Variants in DNMT3B observed in about 807,000 individuals in gnomAD.
DNMT3B encodes the protein DNA (cytosine-5)-methyltransferase 3B.
In DNMT3B, 37 loss-of-function variants were observed where a neutral mutation model predicts 120.2. The ratio of observed to expected loss-of-function variants is 0.31; its 90% CI spans 0.24 to 0.40. DNMT3B has a LOEUF of 0.40. Ranked by LOEUF, DNMT3B falls within the 10% of genes least tolerant of loss-of-function variation. The pLI, the probability that DNMT3B is intolerant of heterozygous loss-of-function variation, is 1.00. For missense variants in DNMT3B, 878 were observed against 1,137.3 expected (o/e 0.77, Z 3.28); for synonymous variants, 412 against 442.8 (o/e 0.93, Z 0.87).
chr20:32,778,291 G>A (rs1373251041), intron 1 of DNMT3B, among the ~76,000 whole-genome samples: 9 of 151,946 alleles, frequency 5.9e-5, no homozygotes, highest in East Asian at 5.8e-4. Flanking sequence ...AGCTGAGATC[G>A]TGCCATTGCA....
In DNMT3B at chr20:32,789,193, G is replaced by A. The variant is rs181311493; in HGVS notation, c.813+181G>A. Among the ~76,000 whole-genome samples, 13 of 152,338 alleles carry A rather than the reference G, an allele frequency of 8.5e-5. No homozygotes were observed. In the East Asian group the frequency reaches 2.1e-3, roughly 25 times the overall value. ...CTACAGCAGATTCCACTCACACGGG[G>A]GACAAAAGTGCTAGAAAGTTCTGGA... On this transcript the variant is annotated intron_variant, in intron 7 of 22. Coordinates refer to ENST00000328111, the MANE Select transcript of DNMT3B (RefSeq NM_006892.4).
In DNMT3B at chr20:32,796,817, A is replaced by C. The variant is rs1245224488; in HGVS notation, c.1325A>C (p.Asn442Thr). 1 of 1,613,694 alleles carries C rather than the reference A, an allele frequency of 6.2e-7. No homozygotes were observed. Among genetic ancestry groups the C allele is most frequent in the African/African-American group, 1.3e-5 (1 of 74,886 alleles). ...GGCTGTTTGTCTTGTGGCAGGAAAA[A>C]CCCCGTGTCCTTCCACCCTCTCTTT... ...EDGCLSCGRK[N>T]PVSFHPLFEG... is the part of the protein sequence containing the mutation. Residue 442 changes from asparagine (N) to threonine (T), a missense_variant, in exon 13 of 23, where the codon AAC becomes ACC. This residue lies in a region of DNMT3B where 207 missense variants were observed against 222.6 expected (regional missense o/e 0.93). Coordinates refer to ENST00000328111, the MANE Select transcript of DNMT3B (RefSeq NM_006892.4).
At chr20:32,782,671 T>C (rs770671381) in intron 3 of DNMT3B, among the ~76,000 whole-genome samples, 5 of 152,194 alleles carry the variant, frequency 3.3e-5, no homozygotes, top group Non-Finnish European at 5.9e-5. Context: ...TATTTTATTA[T>C]TAGTTGTTAA....
chr20:32,796,062 C>G (rs1169825317), intron 12 of DNMT3B, among the ~76,000 whole-genome samples: 1 of 152,184 alleles, frequency 6.6e-6, no homozygotes, highest in Non-Finnish European at 1.5e-5. Context: ...CTTGCCCTGG[C>G]TGGGGATTGC....
At chr20:32,766,289 G>A (rs530786289) in intron 1 of DNMT3B, among the ~76,000 whole-genome samples, 39 of 152,298 alleles carry the variant, frequency 2.6e-4, no homozygotes, top group Middle Eastern at 3.4e-3. Context: ...GTTGCAGTGA[G>A]CTGAGATCCT....
intron 22 of DNMT3B, among the ~76,000 whole-genome samples, chr20:32,806,890 C>T (rs1017009019): frequency 1.3e-5 from 2 of 152,174 alleles, no homozygotes; most frequent in Non-Finnish European, 2.9e-5. Flanking sequence ...GAACATTCCT[C>T]TTTACATGTA....
At chr20:32,772,391 G>T (rs1987793907) in intron 1 of DNMT3B, among the ~76,000 whole-genome samples, 1 of 152,188 alleles carries the variant, frequency 6.6e-6, no homozygotes, top group South Asian at 2.1e-4. Flanking sequence ...CTTAGTTGAA[G>T]CCACAGGTGC....
chr20:32,766,007 T>C (rs576710048), intron 1 of DNMT3B, among the ~76,000 whole-genome samples: 1 of 152,224 alleles, frequency 6.6e-6, no homozygotes, highest in Non-Finnish European at 1.5e-5. Flanking sequence ...TCCACCCGCC[T>C]TGGCCTCCCA....
chr20:32,792,747 T>A lies in DNMT3B; in HGVS notation c.1043T>A (p.Leu348His). The stretch of plus-strand genomic sequence containing the variant: ...TTCAAGCCCACTGGGATCGAGGGCC[T>A]CAAACCCAACAACACGCAACCAGGT... ...GGFKPTGIEG[L>H]KPNNTQPVVN... The change falls in exon 9 of 23, where the codon CTC becomes CAC. Residue 348 changes from leucine (L) to histidine (H), a missense_variant. Leu to His is a moderately conservative substitution (Grantham distance 99). This residue lies in a region of DNMT3B where 207 missense variants were observed against 222.6 expected (regional missense o/e 0.93). Coordinates refer to ENST00000328111, the MANE Select transcript of DNMT3B (RefSeq NM_006892.4). The A allele has an allele frequency of 6.2e-7, 1 of 1,614,198 alleles. No homozygotes were observed. Among genetic ancestry groups the A allele is most frequent in the Non-Finnish European group, 8.5e-7 (1 of 1,180,048 alleles).
At chr20:32,799,581 G>A (rs747965150) in intron 16 of DNMT3B, among the ~76,000 whole-genome samples, 6 of 152,180 alleles carry the variant, frequency 3.9e-5, no homozygotes, top group Middle Eastern at 3.4e-3. Context: ...GTGCAATGGC[G>A]TGATCTGTGC....
intron 19 of DNMT3B, among the ~76,000 whole-genome samples, chr20:32,801,827 C>T (rs923549805): frequency 4.6e-5 from 7 of 152,102 alleles, no homozygotes; most frequent in East Asian, 1.9e-4. Flanking sequence ...TCAAGCAATC[C>T]GCCCACCTCC....
chr20:32,805,472 T>A (rs1981865853), intron 21 of DNMT3B, 65 bp downstream of exon 21: 1 of 1,598,136 alleles, frequency 6.3e-7, no homozygotes, highest in Admixed American at 1.7e-5. Context: ...ACTTGGGAGA[T>A]GACCTTGGTG....
At chr20:32,781,107 TC>T (rs769485183) in intron 2 of DNMT3B, among the ~76,000 whole-genome samples, 19 of 152,178 alleles carry the variant, frequency 1.2e-4, no homozygotes, top group Non-Finnish European at 2.1e-4. Flanking sequence ...ATCGGAGGGC[TC>T]CCCTTGGTAA....
intron 10 of DNMT3B, among the ~76,000 whole-genome samples, chr20:32,793,885 G>A (rs1485205150): frequency 6.6e-6 from 1 of 152,072 alleles, no homozygotes; most frequent in African/African-American, 2.4e-5. Flanking sequence ...GGGTCCTTAA[G>A]ATTTTTAATG....
intron 8 of DNMT3B, 128 bp from the exon 9 acceptor site, chr20:32,792,498 C>G: frequency 6.7e-7 from 1 of 1,501,436 alleles, no homozygotes; most frequent in Non-Finnish European, 9.2e-7. Flanking sequence ...CAGCCCAGGA[C>G]AGCTGTCTGG....
intron 1 of DNMT3B, among the ~76,000 whole-genome samples, chr20:32,763,009 G>T (rs1231064252): frequency 6.6e-6 from 1 of 152,098 alleles, no homozygotes; most frequent in Non-Finnish European, 1.5e-5. Context: ...AAGCTTGCTC[G>T]CAGGGAGGGG....
intron 8 of DNMT3B, among the ~76,000 whole-genome samples, chr20:32,792,080 C>G (rs1044897483): frequency 6.6e-6 from 1 of 152,132 alleles, no homozygotes; most frequent in African/African-American, 2.4e-5. Flanking sequence ...GTCTTATCCC[C>G]TATGAACCAT....
chr20:32,792,894 A>G, intron 9 of DNMT3B, 124 bp downstream of exon 9: 1 of 1,434,630 alleles, frequency 7.0e-7, no homozygotes. Flanking sequence ...TCAACTCTGA[A>G]TGTTGGAAAA....
At chr20:32,806,116 C>A in intron 21 of DNMT3B, 93 bp from the exon 22 acceptor site, 1 of 1,170,966 alleles carries the variant, frequency 8.5e-7, no homozygotes, top group Non-Finnish European at 1.3e-6. Context: ...CGCACCTGCG[C>A]TCTCCCCTCC....
Sources: allele counts gnomAD v4.1 joint callset (sites outside exome capture counted in the v4.1 genomes callset), GRCh38; gene constraint gnomAD v4.1.1; regional missense constraint gnomAD v4.1.1; transcripts MANE v1.5; gene names NCBI Gene and HGNC (gene_info 2026-07-23, HGNC 2026-07-21).